The following IRAK1BP1 variants were observed in gnomAD, a reference collection of about 807,000 sequenced individuals.
IRAK1BP1 encodes the protein interleukin-1 receptor-associated kinase 1-binding protein 1.
A neutral mutation model predicts 28.0 loss-of-function variants in IRAK1BP1; 24 were observed. That is an observed-to-expected ratio of 0.86 (90% CI 0.62 to 1.20). IRAK1BP1 has a LOEUF of 1.20. IRAK1BP1 is among the 50% of genes most tolerant of loss of function. The pLI, the probability that IRAK1BP1 is intolerant of heterozygous loss-of-function variation, is 0.00. For synonymous variants in IRAK1BP1, 131 were observed against 116.3 expected (o/e 1.13, Z -0.81); for missense variants, 336 against 316.7 (o/e 1.06, Z -0.46).
chr6:78,975,517 TG>T, the IRAK1BP1 span, among the ~76,000 whole-genome samples: 1 of 152,210 alleles, frequency 6.6e-6, no homozygotes, highest in East Asian at 1.9e-4. Context: ...ATGGAAGTTC[TG>T]GCCAGGGCAA....
intron 1 of IRAK1BP1, among the ~76,000 whole-genome samples, chr6:78,874,018 A>G (rs1225907986): frequency 6.6e-6 from 1 of 152,206 alleles, no homozygotes; most frequent in Non-Finnish European, 1.5e-5. Flanking sequence ...GGCTCTGCAT[A>G]CTTTGATGTA....
the IRAK1BP1 span, among the ~76,000 whole-genome samples, chr6:78,976,541 A>C: frequency 2.6e-5 from 3 of 117,074 alleles, no homozygotes; most frequent in Non-Finnish European, 3.6e-5. Context: ...TAATTAAACT[A>C]AAGAGCTTCT....
At chr6:78,955,694 G>A in the IRAK1BP1 span, 1 of 862,198 alleles carries the variant, frequency 1.2e-6, no homozygotes. Flanking sequence ...TACATAACAA[G>A]GAAATGTTAA....
At position 78,933,802 on chromosome 6, in the gene IRAK1BP1, C is replaced by G. The variant is rs192479141; in HGVS notation, c.*68-11606C>G. On this transcript the variant is annotated intron_variant and NMD_transcript_variant, in intron 4 of 4. Coordinates refer to the IRAK1BP1 transcript ENST00000606868. ...CTGATTTGATCTTCTATCCAGACCA[C>G]TGCACCTTTCTCCTTATCAGCCATA... 6.2e-4 allele frequency among the ~76,000 whole-genome samples: 95 copies of G among 152,098 alleles called. 1 individual carries two copies. The South Asian group carries it at 8.1e-3, about 13-fold the overall frequency.
intron 2 of IRAK1BP1, among the ~76,000 whole-genome samples, chr6:78,887,141 T>C (rs1448346848): frequency 1.3e-5 from 2 of 152,168 alleles, no homozygotes; most frequent in East Asian, 1.9e-4. Context: ...CTGTTAAATA[T>C]ATGGAATGAG....
intron 1 of IRAK1BP1, among the ~76,000 whole-genome samples, chr6:78,881,089 A>T (rs1221677522): frequency 6.6e-6 from 1 of 152,222 alleles, no homozygotes; most frequent in Non-Finnish European, 1.5e-5. Flanking sequence ...TAGCAGCTTT[A>T]TTCATAACTT....
At chr6:78,909,210 A>G (rs757687136) in intron 4 of IRAK1BP1, among the ~76,000 whole-genome samples, 1 of 152,216 alleles carries the variant, frequency 6.6e-6, no homozygotes, top group African/African-American at 2.4e-5. Context: ...CATTCAGTAT[A>G]TACCTCCACT....
chr6:78,950,596 G>T (rs989980805), downstream of IRAK1BP1, among the ~76,000 whole-genome samples: 2 of 152,136 alleles, frequency 1.3e-5, no homozygotes, highest in South Asian at 2.1e-4. Context: ...TCTATTTCAT[G>T]TAAGTTATCA....
At chr6:78,913,372 G>A (rs565253768) in intron 4 of IRAK1BP1, among the ~76,000 whole-genome samples, 7 of 152,050 alleles carry the variant, frequency 4.6e-5, no homozygotes, top group East Asian at 1.9e-4. Context: ...GGGGCCGGGC[G>A]CAGTGGCTCA....
intron 4 of IRAK1BP1, chr6:78,945,174 C>A: frequency 1.5e-6 from 1 of 656,188 alleles, no homozygotes; most frequent in Non-Finnish European, 2.7e-6. Flanking sequence ...GTAAATTTAT[C>A]AACTAATACA....
At chr6:78,960,916 A>T in the IRAK1BP1 span, among the ~76,000 whole-genome samples, 1 of 152,182 alleles carries the variant, frequency 6.6e-6, no homozygotes, top group African/African-American at 2.4e-5. Context: ...AGAATAACGG[A>T]AAGGACTTCA....
the IRAK1BP1 span, chr6:78,963,031 A>G: frequency 7.0e-7 from 1 of 1,429,154 alleles, no homozygotes; most frequent in Non-Finnish European, 9.4e-7. Context: ...GTTGGAGAAT[A>G]ACAGTATTTT....
At chr6:78,960,023 C>T in the IRAK1BP1 span, among the ~76,000 whole-genome samples, 13 of 152,230 alleles carry the variant, frequency 8.5e-5, no homozygotes, top group Admixed American at 4.6e-4. Context: ...CTCATGATCA[C>T]GTGGCTGACT....
chr6:78,956,308 C>G, the IRAK1BP1 span: 1 of 152,068 alleles, frequency 6.6e-6, no homozygotes. Context: ...AATTAGTGGT[C>G]AAGGGCTGTG....
chr6:78,916,947 A>C (rs977522512), intron 4 of IRAK1BP1, among the ~76,000 whole-genome samples: 7 of 152,154 alleles, frequency 4.6e-5, no homozygotes, highest in Non-Finnish European at 8.8e-5. Flanking sequence ...CCACCTAAAA[A>C]AAAAATTAGA....
chr6:78,886,501 T>A (rs1276463292), intron 2 of IRAK1BP1, among the ~76,000 whole-genome samples: 1 of 152,164 alleles, frequency 6.6e-6, no homozygotes, highest in Admixed American at 6.5e-5. Context: ...CAAAACAGTA[T>A]GAAGAGCAGT....
chr6:78,918,851 G>A (rs1446708117), intron 4 of IRAK1BP1, among the ~76,000 whole-genome samples: 1 of 152,140 alleles, frequency 6.6e-6, no homozygotes, highest in African/African-American at 2.4e-5. Flanking sequence ...CTTGACAATT[G>A]GATGTAATAG....
intron 1 of IRAK1BP1, among the ~76,000 whole-genome samples, chr6:78,868,731 C>T (rs1033687472): frequency 3.9e-5 from 6 of 152,192 alleles, no homozygotes; most frequent in African/African-American, 1.2e-4. Context: ...AATATTTGAA[C>T]TCATGTATTC....
downstream of IRAK1BP1, among the ~76,000 whole-genome samples, chr6:78,951,132 G>T (rs896226937): frequency 6.6e-6 from 1 of 152,120 alleles, no homozygotes; most frequent in Non-Finnish European, 1.5e-5. Context: ...TCGTTAACAA[G>T]TCCTTGGAGA....
Sources: gnomAD v4.1 joint callset for allele counts (sites outside exome capture counted in the v4.1 genomes callset) on GRCh38, gnomAD v4.1.1 for gene constraint, MANE v1.5 for transcripts, NCBI Gene and HGNC (gene_info 2026-07-23, HGNC 2026-07-21) for gene names.